TMEM116: variants seen among roughly 807,000 people sequenced by gnomAD.
TMEM116 encodes the protein transmembrane protein 116.
Under a neutral mutation model 44.3 loss-of-function variants are expected in TMEM116, and 38 were observed. The ratio of observed to expected loss-of-function variants is 0.86; its 90% confidence interval spans 0.66 to 1.12. The LOEUF (loss-of-function observed/expected upper bound fraction) is 1.12, where lower values mean the gene tolerates loss of function less well. TMEM116 is among the 50% of genes most tolerant of loss of function. The pLI is 0.00. For missense variants in TMEM116, 354 were observed against 401.7 expected, an observed-to-expected ratio of 0.88 and a Z score of 1.01; for synonymous variants, 132 against 144.8, an observed-to-expected ratio of 0.91 and a Z score of 0.64.
intron 4 of TMEM116, among the ~76,000 whole-genome samples, chr12:111,986,627 T>C (rs80283868): frequency 6.6e-6 from 1 of 151,944 alleles, no homozygotes; most frequent in Non-Finnish European, 1.5e-5. Flanking sequence ...GTGAGCAACA[T>C]AGGAGACCCC....
At chr12:111,963,863 T>C (rs2074791949) in intron 4 of TMEM116, among the ~76,000 whole-genome samples, 1 of 152,116 alleles carries the variant, frequency 6.6e-6, no homozygotes, top group South Asian at 2.1e-4. Context: ...GAAATTAGTT[T>C]TTCATATGAT....
rs1021616111 is a variant in TMEM116, at chr12:112,013,108, G to T, written c.-140C>A. The T allele has an allele frequency of 7.9e-6, 2 of 254,624 alleles. No individual in the cohort carries two copies. Among genetic ancestry groups the T allele is most frequent in the East Asian group, 8.2e-5 (1 of 12,238 alleles). 15.8% of individuals were successfully genotyped at this position (254,624 alleles called of 1,614,324 possible). ...GGAGAGGAAGGACAGCAAACGAATT[G>T]CTATAGCGTCCCCATGCGCACTTGG... On this transcript the variant is annotated 5_prime_UTR_variant, in exon 1 of 11. Coordinates refer to ENST00000552374, the MANE Select transcript of TMEM116 (RefSeq NM_001193531.2).
At chr12:111,955,315 T>C (rs538329483) in intron 4 of TMEM116, among the ~76,000 whole-genome samples, 1 of 152,302 alleles carries the variant, frequency 6.6e-6, no homozygotes, top group East Asian at 1.9e-4. Context: ...TCATCCACTG[T>C]TCGGCCAGGG....
chr12:111,998,239 T>C (rs1178886950), intron 3 of TMEM116, among the ~76,000 whole-genome samples: 2 of 152,206 alleles, frequency 1.3e-5, no homozygotes, highest in Non-Finnish European at 2.9e-5. Context: ...TATGTAAAAC[T>C]AGTCCTAAGA....
intron 4 of TMEM116, among the ~76,000 whole-genome samples, chr12:111,964,918 C>T (rs928628260): frequency 1.7e-4 from 26 of 152,124 alleles, no homozygotes; most frequent in African/African-American, 6.3e-4. Context: ...GTCTCAAACT[C>T]CTGGACTCAA....
At chr12:111,937,624 C>G (rs775399495) in intron 6 of TMEM116, among the ~76,000 whole-genome samples, 1 of 152,130 alleles carries the variant, frequency 6.6e-6, no homozygotes, top group Admixed American at 6.5e-5. Flanking sequence ...TTCTCATCAG[C>G]CCCTTCTTGG....
At chr12:112,001,097 G>T in intron 3 of TMEM116, 1 of 170,870 alleles carries the variant, frequency 5.9e-6, no homozygotes. Context: ...TAAACCACGG[G>T]CAGAATAACC....
intron 8 of TMEM116, 193 bp downstream of exon 8, chr12:111,936,499 C>G (rs1300061717): frequency 1.8e-6 from 1 of 546,642 alleles, no homozygotes; most frequent in East Asian, 3.1e-5. Context: ...TCTTTTCTCT[C>G]TCTTATCATT....
chr12:111,943,463 C>T, intron 4 of TMEM116, 94 bp from the exon 5 acceptor site: 1 of 866,698 alleles, frequency 1.2e-6, no homozygotes, highest in Non-Finnish European at 1.9e-6. Context: ...TATGAGAATC[C>T]TACCTACTAG....
At chr12:111,990,226 G>A (rs1424621099) in intron 4 of TMEM116, among the ~76,000 whole-genome samples, 3 of 149,034 alleles carry the variant, frequency 2.0e-5, no homozygotes, top group Non-Finnish European at 1.5e-5. Flanking sequence ...CTGCACTCCA[G>A]CATCAGCGAC....
chr12:111,957,519 G>A (rs1281570050), intron 4 of TMEM116, among the ~76,000 whole-genome samples: 7 of 150,810 alleles, frequency 4.6e-5, no homozygotes, highest in East Asian at 3.9e-4. Context: ...CTGGCCAGCC[G>A]CCCCGTCCGG....
chr12:111,977,718 A>G (rs2075744225), intron 4 of TMEM116, among the ~76,000 whole-genome samples: 1 of 152,146 alleles, frequency 6.6e-6, no homozygotes, highest in Non-Finnish European at 1.5e-5. Context: ...GAGTGATTAT[A>G]TCATAAGGGT....
Position 111,931,795 on chromosome 12 carries a change from G to A in TMEM116, c.840C>T (p.Asn280=), listed in dbSNP as rs1302215628. 1 of 1,565,594 alleles carries A rather than the reference G, an allele frequency of 6.4e-7. No individual in the cohort carries two copies. The highest frequency in any genetic ancestry group is 8.6e-7 in the Non-Finnish European group (1 of 1,158,024). The part of the protein sequence containing the change: ...ALTATSQGLL[N]CGVYGWTQHK... ...GCTGCGTCCAGCCATATACTCCACA[G>A]TTGAGTAGACCCTGAGATGTTGCCG... Residue 280 remains asparagine (N), a synonymous_variant, in exon 11 of 11, where the codon AAC becomes AAT. Coordinates refer to ENST00000552374, the MANE Select transcript of TMEM116 (RefSeq NM_001193531.2).
chr12:111,957,774 G>A (rs1593383702), intron 4 of TMEM116, among the ~76,000 whole-genome samples: 2 of 152,368 alleles, frequency 1.3e-5, no homozygotes, highest in East Asian at 3.9e-4. Flanking sequence ...TCTGGGAGGT[G>A]TACCCAACAG....
chr12:111,933,077 T>C (rs1231156831), intron 9 of TMEM116, among the ~76,000 whole-genome samples: 1 of 151,792 alleles, frequency 6.6e-6, no homozygotes, highest in Non-Finnish European at 1.5e-5. Context: ...CCTGTCTCTA[T>C]TAAAAATACA....
chr12:112,000,713 AG>A, intron 3 of TMEM116: 1 of 530,166 alleles, frequency 1.9e-6, no homozygotes, highest in Non-Finnish European at 3.9e-6. Flanking sequence ...ATCTCTTCTG[AG>A]TCTCCATTTC....
chr12:111,942,266 TTTTTG>T (rs1020304888), intron 5 of TMEM116, among the ~76,000 whole-genome samples: 1 of 149,982 alleles, frequency 6.7e-6, no homozygotes, highest in South Asian at 2.1e-4. Context: ...CTTGTTTTTG[TTTTTG>T]TTTTGTTTTG....
At chr12:111,977,605 G>T (rs2075739190) in intron 4 of TMEM116, among the ~76,000 whole-genome samples, 1 of 151,930 alleles carries the variant, frequency 6.6e-6, no homozygotes, top group Non-Finnish European at 1.5e-5. Context: ...AGTAAATTCG[G>T]ATCTACATAA....
At chr12:111,934,501 C>T (rs112506613) in intron 8 of TMEM116, 4,810 of 153,198 alleles carry the variant, frequency 0.031, 99 homozygotes, top group Middle Eastern at 0.12. Context: ...GTGGCTCACG[C>T]CTATAATCCC....
Sources: allele counts gnomAD v4.1 joint callset (sites outside exome capture counted in the v4.1 genomes callset), GRCh38; gene constraint gnomAD v4.1.1; transcripts MANE v1.5; gene names NCBI Gene and HGNC (gene_info 2026-07-23, HGNC 2026-07-21).